The following PPA2 variants were observed in gnomAD, a reference collection of about 807,000 sequenced individuals.
PPA2 encodes the protein inorganic pyrophosphatase 2, mitochondrial.
A neutral mutation model predicts 49.5 loss-of-function variants in PPA2; 48 were observed. That is an observed-to-expected ratio of 0.97 (90% CI 0.77 to 1.23). The LOEUF (loss-of-function observed/expected upper bound fraction) is 1.23. Ranked by LOEUF, PPA2 falls within the 50% of genes most tolerant of loss-of-function variation. The probability of loss-of-function intolerance (pLI) is 0.00; values close to 1 mark genes in which losing one functional copy is unlikely to be tolerated. For missense variants in PPA2, 429 were observed against 410.1 expected (o/e 1.05, Z -0.40); for synonymous variants, 131 against 139.9 (o/e 0.94, Z 0.45).
At chr4:105,423,263 G>C (rs950157499) in intron 7 of PPA2, 1 of 151,978 alleles carries the variant, frequency 6.6e-6, no homozygotes, top group Admixed American at 6.6e-5. Flanking sequence ...ATCTCTTCCT[G>C]TTTCAAGTGC....
At chr4:105,434,606 A>G (rs1412169804) in intron 6 of PPA2, among the ~76,000 whole-genome samples, 1 of 152,342 alleles carries the variant, frequency 6.6e-6, no homozygotes, top group Non-Finnish European at 1.5e-5. Context: ...GCAGCAGGGT[A>G]TAAGAATTCC....
chr4:105,401,893 A>C (rs749028627), intron 7 of PPA2, among the ~76,000 whole-genome samples: 16 of 152,222 alleles, frequency 1.1e-4, no homozygotes, highest in Admixed American at 2.0e-4. Flanking sequence ...AATGAAGCCC[A>C]CACTTCTATT....
chr4:105,405,317 T>C, intron 7 of PPA2: 2 of 758,536 alleles, frequency 2.6e-6, no homozygotes, highest in Non-Finnish European at 3.2e-6. Flanking sequence ...TAATAACTTT[T>C]TGCTATACAC....
rs139491086 is a variant in PPA2 at position 105,444,952 on chromosome 4, C to T, written c.441+1431G>A. ...TAGATATTTTATGTTCTCCATTTTACAGATGAAGAAAATGAGGAAAAGTAT... is the reference window on the plus strand; with the variant it reads ...TAGATATTTTATGTTCTCCATTTTATAGATGAAGAAAATGAGGAAAAGTAT... On this transcript the variant is annotated intron_variant, in intron 5 of 11. Coordinates refer to ENST00000341695, the MANE Select transcript of PPA2 (RefSeq NM_176869.3). Among the ~76,000 whole-genome samples, 20 of 152,198 alleles carry T rather than the reference C, an allele frequency of 1.3e-4. 1 individual carries two copies. Among genetic ancestry groups the T allele is most frequent in the Middle Eastern group, 3.4e-3 (1 of 294 alleles).
chr4:105,410,502 C>G (rs1332829623), intron 7 of PPA2, among the ~76,000 whole-genome samples: 1 of 152,136 alleles, frequency 6.6e-6, no homozygotes, highest in Non-Finnish European at 1.5e-5. Flanking sequence ...AGGATATTAT[C>G]CAGAAGAACT....
rs138678667 is a variant in PPA2, at chr4:105,441,111, T to C, written c.442-3075A>G. On this transcript the variant is annotated intron_variant, in intron 5 of 11. Coordinates refer to ENST00000341695, the MANE Select transcript of PPA2 (RefSeq NM_176869.3). ...GCCCTCTTGTGGAGTCTTATGTGTG[T>C]AACTATTAACAGACAAATAACTAGA... Among the ~76,000 whole-genome samples, 44 of 152,326 alleles carry C rather than the reference T, an allele frequency of 2.9e-4. No individual in the cohort carries two copies. In the East Asian group the frequency reaches 7.1e-3, roughly 25 times the overall value.
chr4:105,419,196 A>G (rs2713823), intron 7 of PPA2, among the ~76,000 whole-genome samples: 91,749 of 151,654 alleles, frequency 0.6, 27,744 homozygotes, highest in East Asian at 0.68. Flanking sequence ...TAGGGTACAT[A>G]TGCACAATGT....
At chr4:105,465,787 T>A (rs887319612) in intron 1 of PPA2, among the ~76,000 whole-genome samples, 1 of 152,006 alleles carries the variant, frequency 6.6e-6, no homozygotes, top group African/African-American at 2.4e-5. Flanking sequence ...AATAGCTGTA[T>A]AATAATGTGA....
intron 5 of PPA2, among the ~76,000 whole-genome samples, chr4:105,445,865 T>C (rs1722358856): frequency 6.6e-6 from 1 of 152,170 alleles, no homozygotes; most frequent in African/African-American, 2.4e-5. Flanking sequence ...TACCTTATCA[T>C]TATTTAGCTC....
chr4:105,396,287 T>C lies in PPA2; in HGVS notation c.831A>G (p.Ala277=). 6.3e-7 allele frequency: 1 copy of C among 1,598,888 alleles called. No individual in the cohort carries two copies. Among genetic ancestry groups the C allele is most frequent in the East Asian group, 2.3e-5 (1 of 43,990 alleles). The change falls in exon 9 of 12, where the codon GCA becomes GCG. Residue 277 remains alanine (A), a synonymous_variant. Transcript: ENST00000341695. The stretch of plus-strand genomic sequence containing the variant: ...CTCCATTACACTTCTTCATAAGCAA[T>C]GCTTTCCAACATTGATGAGTGGATT... ...VIKSTHQCWK[A]LLMKKCNGGA... is the part of the protein sequence containing the mutation.
chr4:105,446,392 G>A lies in PPA2; in HGVS notation c.432C>T (p.Thr144=). The part of the protein sequence containing the change: ...PYKGYIWNYG[T]LPQTWEDPHE... ...GTAACAAAAATGTTACCTGAGGGAG[G>A]GTACCATAATTCCATATATAACCCT... The change falls in exon 5 of 12, where the codon ACC becomes ACT. Residue 144 remains threonine (T), a synonymous_variant. Coordinates refer to ENST00000341695, the MANE Select transcript of PPA2 (RefSeq NM_176869.3). 3 of 1,555,500 alleles carry A rather than the reference G, an allele frequency of 1.9e-6. No individual in the cohort carries two copies. Among genetic ancestry groups the A allele is most frequent in the South Asian group, 1.2e-5 (1 of 80,384 alleles).
chr4:105,414,215 CTGA>C (rs1172017292), intron 7 of PPA2, among the ~76,000 whole-genome samples: 2 of 152,180 alleles, frequency 1.3e-5, no homozygotes, highest in South Asian at 4.1e-4. Flanking sequence ...CTCTCATACA[CTGA>C]TGATACAATC....
At chr4:105,374,706 A>G (rs1259636871) in intron 10 of PPA2, among the ~76,000 whole-genome samples, 2 of 152,220 alleles carry the variant, frequency 1.3e-5, no homozygotes, top group Non-Finnish European at 2.9e-5. Flanking sequence ...ATCCTGCTTT[A>G]CTATATATAA....
At chr4:105,441,829 A>G (rs1724378253) in intron 5 of PPA2, among the ~76,000 whole-genome samples, 1 of 152,246 alleles carries the variant, frequency 6.6e-6, no homozygotes, top group East Asian at 1.9e-4. Flanking sequence ...TTACCTTACA[A>G]TCTATAAGTA....
At chr4:105,376,212 T>A (rs999998731) in intron 10 of PPA2, among the ~76,000 whole-genome samples, 4 of 152,242 alleles carry the variant, frequency 2.6e-5, no homozygotes, top group Non-Finnish European at 4.4e-5. Context: ...TACATGCTGA[T>A]GTTAACCGTC....
intron 4 of PPA2, 83 bp downstream of exon 4, chr4:105,449,267 A>C: frequency 1.6e-6 from 1 of 635,244 alleles, no homozygotes; most frequent in Non-Finnish European, 2.5e-6. Flanking sequence ...AAAAAAATTT[A>C]AAATATTATG....
chr4:105,386,458 G>T, intron 10 of PPA2, 109 bp downstream of exon 10: 2 of 864,714 alleles, frequency 2.3e-6, no homozygotes, highest in Non-Finnish European at 3.5e-6. Context: ...TAAACTTTAT[G>T]CTTCTCAAAA....
chr4:105,446,377 T>C lies in PPA2; in HGVS notation c.441+6A>G, dbSNP rs1307313502. 6 of 1,543,404 alleles carry C rather than the reference T, an allele frequency of 3.9e-6. No individual in the cohort carries two copies. The highest frequency in any genetic ancestry group is 5.2e-6 in the Non-Finnish European group (6 of 1,146,140). ...GAACATTTTACCATTGTAACAAAAA[T>C]GTTACCTGAGGGAGGGTACCATAAT... On this transcript the variant is annotated splice_donor_region_variant and intron_variant, in intron 5 of 11. Transcript: ENST00000341695.
intron 1 of PPA2, among the ~76,000 whole-genome samples, chr4:105,459,576 G>A (rs958543148): frequency 2.6e-5 from 4 of 152,122 alleles, no homozygotes; most frequent in African/African-American, 9.7e-5. Flanking sequence ...ATTTAACTGA[G>A]AAATAAAAAC....
Sources: allele counts gnomAD v4.1 joint callset (sites outside exome capture counted in the v4.1 genomes callset), GRCh38; gene constraint gnomAD v4.1.1; transcripts MANE v1.5; gene names NCBI Gene and HGNC (gene_info 2026-07-23, HGNC 2026-07-21).